CARD14: variants seen among roughly 807,000 people sequenced by gnomAD.
The protein encoded by CARD14 is caspase recruitment domain-containing protein 14.
CARD14 carries 107 observed loss-of-function variants against 111.5 expected under a neutral mutation model. That is an observed-to-expected ratio of 0.96 (90% CI 0.82 to 1.13). The LOEUF (loss-of-function observed/expected upper bound fraction) is 1.13, where lower values mean the gene tolerates loss of function less well. CARD14 is among the 50% of genes most tolerant of loss of function. The pLI is 0.00. For missense variants in CARD14, 1,322 were observed against 1,362.3 expected, an observed-to-expected ratio of 0.97 and a Z score of 0.47; for synonymous variants, 617 against 579.6, an observed-to-expected ratio of 1.06 and a Z score of -0.93.
rs1482414658 is a variant in CARD14 at position 80,195,267 on chromosome 17, C to A, written c.1433C>A (p.Pro478His). 1 of 1,612,760 alleles carries A rather than the reference C, an allele frequency of 6.2e-7. No individual in the cohort carries two copies. The highest frequency in any genetic ancestry group is 8.5e-7 in the Non-Finnish European group (1 of 1,179,934). ...VDSFRSSSPAPPSQQSLYKRV... is the reference protein window; with the variant it reads ...VDSFRSSSPAHPSQQSLYKRV... Reference sequence around the variant, plus strand: ...AGCTTCCGCTCCAGCAGCCCCGCGCCCCCCAGCCAGCAGTCCCTGTACAAG... The same window carrying A: ...AGCTTCCGCTCCAGCAGCCCCGCGCACCCCAGCCAGCAGTCCCTGTACAAG... The change falls in exon 13 of 24, where the codon CCC becomes CAC. Residue 478 changes from proline to histidine, a missense_variant. Transcript: ENST00000648509. This position sits in a 1 kb window ranked among gnomAD's most constrained non-coding sequence, Gnocchi z 4.7.
intron 2 of CARD14, among the ~76,000 whole-genome samples, chr17:80,175,705 C>T (rs969866920): frequency 1.3e-5 from 2 of 152,148 alleles, no homozygotes; most frequent in Non-Finnish European, 2.9e-5. Context: ...AGGAACCCCG[C>T]TTGTGGTGGG....
rs755010538 is a variant in CARD14, at chr17:80,201,814, G to A, written c.1922G>A (p.Gly641Glu). ...GACACGACCCTGGAGGAGGCCGTGG[G>A]GCTTCTCAGGAGGGTGGACGGCTTC... The part of the protein sequence containing the change: ...LEDTTLEEAV[G>E]LLRRVDGFCC... The change falls in exon 17 of 24, where the codon GGG (glycine) becomes GAG (glutamate). Residue 641 changes from glycine (G) to glutamate (E), a missense_variant. Physicochemically the swap from Gly to Glu is moderately conservative, Grantham distance 98. Coordinates refer to ENST00000648509, the MANE Select transcript of CARD14 (RefSeq NM_001366385.1). The surrounding 1 kb of genome is among the most constrained non-coding windows in gnomAD (Gnocchi z 5.0). The A allele has an allele frequency of 1.4e-5, 22 of 1,613,928 alleles. No individual in the cohort carries two copies. Among genetic ancestry groups the A allele is most frequent in the Non-Finnish European group, 1.8e-5 (21 of 1,179,938 alleles).
chr17:80,199,389 G>A (rs2040850089), intron 16 of CARD14, among the ~76,000 whole-genome samples: 1 of 151,426 alleles, frequency 6.6e-6, no homozygotes, highest in South Asian at 2.1e-4. Flanking sequence ...TGACTTTGAT[G>A]TGGCCTAAAA....
intron 12 of CARD14, among the ~76,000 whole-genome samples, chr17:80,193,817 C>G (rs1267119592): frequency 6.6e-6 from 1 of 152,108 alleles, no homozygotes; most frequent in Non-Finnish European, 1.5e-5. Context: ...CAGGACAGTC[C>G]AAACCTTCAA....
At position 80,195,421 on chromosome 17, in the gene CARD14, C is replaced by T. The variant is rs1044869470; in HGVS notation, c.1499+88C>T. On this transcript the variant is annotated intron_variant, in intron 13 of 23. Coordinates refer to ENST00000648509, the MANE Select transcript of CARD14 (RefSeq NM_001366385.1). This position sits in a 1 kb window ranked among gnomAD's most constrained non-coding sequence, Gnocchi z 4.7. ...AGAGACACCAACCTAGACCTCAGGG[C>T]ATCTGGGTATTGCAGGCAGCAGCTC... is the stretch of plus-strand genomic sequence containing the variant. The T allele has an allele frequency of 7.9e-6, 12 of 1,525,008 alleles. No homozygotes were observed. The Admixed American group carries it at 2.4e-4, about 30-fold the overall frequency. The allele number at this position is 1,525,008 out of a possible 1,614,324, so 94.5% of individuals were successfully genotyped here.
At chr17:80,202,532 G>C (rs2041041095) in intron 18 of CARD14, 112 bp downstream of exon 18, 2 of 1,498,072 alleles carry the variant, frequency 1.3e-6, no homozygotes, top group South Asian at 1.3e-5. Flanking sequence ...GGCGTGGTGA[G>C]ACCCCCCTAA....
chr17:80,205,694 AG>A, intron 22 of CARD14, 42 bp downstream of exon 22: 1 of 1,501,544 alleles, frequency 6.7e-7, no homozygotes, highest in Non-Finnish European at 8.9e-7. Context: ...TGTCCTGGGA[AG>A]GGTTTCAGGA....
chr17:80,201,357 G>C lies in CARD14; in HGVS notation c.1852-387G>C. ...GCCACTCAGCATCCTGTAGGGCCCG[G>C]TATAGCCCGCAGCAGCACAGAATGA... is the stretch of plus-strand genomic sequence containing the variant. On this transcript the variant is annotated intron_variant, in intron 16 of 23. Transcript: ENST00000648509. This position sits in a 1 kb window ranked among gnomAD's most constrained non-coding sequence, Gnocchi z 5.0. 1 of 205,562 alleles carries C rather than the reference G, an allele frequency of 4.9e-6. No individual in the cohort carries two copies. The highest frequency in any genetic ancestry group is 1.0e-5 in the Non-Finnish European group (1 of 99,888). 12.7% of individuals were successfully genotyped at this position (205,562 alleles called of 1,614,324 possible). A position where few individuals can be genotyped will look rare whatever the true frequency, so the allele number is the denominator to read the frequency against.
At chr17:80,191,611 C>G (rs968960783) in intron 11 of CARD14, 139 bp downstream of exon 11, 22 of 1,025,738 alleles carry the variant, frequency 2.1e-5, no homozygotes, top group Non-Finnish European at 3.1e-5. Context: ...GCGGCACCTG[C>G]AGAGACGGCC....
At chr17:80,183,332 G>A (rs779766865) in intron 6 of CARD14, among the ~76,000 whole-genome samples, 2 of 152,230 alleles carry the variant, frequency 1.3e-5, no homozygotes, top group African/African-American at 4.8e-5. Context: ...GGACTCACAC[G>A]ACCCAAAACA....
intron 5 of CARD14, among the ~76,000 whole-genome samples, chr17:80,181,899 C>A (rs796162096): frequency 1.8e-4 from 27 of 152,324 alleles, no homozygotes; most frequent in African/African-American, 6.5e-4. Context: ...TGAAGGGGAA[C>A]CACCATTCAC....
In CARD14 at chr17:80,195,822, C is replaced by G; in HGVS notation, c.1594+170C>G. On this transcript the variant is annotated intron_variant, in intron 14 of 23. Transcript: ENST00000648509. This position sits in a 1 kb window ranked among gnomAD's most constrained non-coding sequence, Gnocchi z 4.7. Reference sequence around the variant, plus strand: ...TCGACCTTGCACTTTGGGAAAGTCCCGCCTGCCAGCCAGCGTAAGCCAAAG... The same window carrying G: ...TCGACCTTGCACTTTGGGAAAGTCCGGCCTGCCAGCCAGCGTAAGCCAAAG... The G allele has an allele frequency of 1.6e-6, 1 of 609,366 alleles. No individual in the cohort carries two copies. The highest frequency in any genetic ancestry group is 2.9e-6 in the Non-Finnish European group (1 of 348,374). The allele number at this position is 609,366 out of a possible 1,614,324, so 37.7% of individuals were successfully genotyped here.
chr17:80,205,585 A>G lies in CARD14; in HGVS notation c.2624A>G (p.Gln875Arg). 2 of 1,552,154 alleles carry G rather than the reference A, an allele frequency of 1.3e-6. No individual in the cohort carries two copies. The highest frequency in any genetic ancestry group is 1.7e-6 in the Non-Finnish European group (2 of 1,145,128). Residue 875 changes from glutamine (Q) to arginine (R), a missense_variant, in exon 22 of 24, where the codon CAG (glutamine) becomes CGG (arginine). Physicochemically the swap from Gln to Arg is conservative, Grantham distance 43. Coordinates refer to ENST00000648509, the MANE Select transcript of CARD14 (RefSeq NM_001366385.1). ...EAWSQRGDII[Q>R]EGEVSGGRCW... Reference sequence around the variant, plus strand: ...TGGAGCCAGAGAGGGGACATCATCCAGGAGGGAGAGGTGTCCGGGGGCCGC... The same window carrying G: ...TGGAGCCAGAGAGGGGACATCATCCGGGAGGGAGAGGTGTCCGGGGGCCGC...
rs767152556 is a variant in CARD14 at position 80,201,819 on chromosome 17, C to T, written c.1927C>T (p.Leu643Phe). Reference protein sequence around the residue: ...DTTLEEAVGLLRRVDGFCCLS... With the variant: ...DTTLEEAVGLFRRVDGFCCLS... ...GACCCTGGAGGAGGCCGTGGGGCTT[C>T]TCAGGAGGGTGGACGGCTTCTGCTG... Residue 643 changes from leucine (L) to phenylalanine (F), a missense_variant, in exon 17 of 24, where the codon CTC (leucine) becomes TTC (phenylalanine). Leu to Phe is a conservative substitution (Grantham distance 22, BLOSUM62 0). Transcript: ENST00000648509. The surrounding 1 kb of genome is among the most constrained non-coding windows in gnomAD (Gnocchi z 5.0). 3 of 1,613,936 alleles carry T rather than the reference C, an allele frequency of 1.9e-6. No individual in the cohort carries two copies. Among genetic ancestry groups the T allele is most frequent in the Non-Finnish European group, 2.5e-6 (3 of 1,179,958 alleles).
At chr17:80,205,417 G>A in intron 21 of CARD14, 114 bp from the exon 22 acceptor site, 2 of 1,419,568 alleles carry the variant, frequency 1.4e-6, no homozygotes, top group Non-Finnish European at 1.9e-6. Context: ...GACATCCTAA[G>A]AAGAGCTTCT....
Position 80,182,365 on chromosome 17 carries a change from C to T in CARD14, c.212-288C>T, listed in dbSNP as rs1205014141. On this transcript the variant is annotated intron_variant, in intron 5 of 23. Transcript: ENST00000648509. The surrounding 1 kb of genome is among the most constrained non-coding windows in gnomAD (Gnocchi z 4.7). ...GCAGGGACCCACCTCCTCACCCCGT[C>T]CCGGTCCCCCCGCACTCGCCAGAGC... Among the ~76,000 whole-genome samples, 2 of 152,204 alleles carry T rather than the reference C, an allele frequency of 1.3e-5. No homozygotes were observed. The highest frequency in any genetic ancestry group is 2.1e-4 in the South Asian group (1 of 4,834).
chr17:80,202,434 T>G lies in CARD14; in HGVS notation c.2219+14T>G, dbSNP rs8069255. The G allele has an allele frequency of 0.016, 25,718 of 1,604,998 alleles. 460 individuals are homozygous for G. The highest frequency in any genetic ancestry group is 0.068 in the African/African-American group (5,057 of 74,800). On this transcript the variant is annotated intron_variant, in intron 18 of 23. Coordinates refer to ENST00000648509, the MANE Select transcript of CARD14 (RefSeq NM_001366385.1). ...CAACTACTCCAGGTGAGCAGCTGCC[T>G]CGAGCTCGGTGCGTCCCCAGAGAGG...
chr17:80,182,206 G>A lies in CARD14; in HGVS notation c.212-447G>A, dbSNP rs1031182236. ...CTGGGCCCTGGGCGTGGAAGGCCCC[G>A]AGGCTCTCTGGGACCTGTCACCCGC... On this transcript the variant is annotated intron_variant, in intron 5 of 23. Transcript: ENST00000648509. This position sits in a 1 kb window ranked among gnomAD's most constrained non-coding sequence, Gnocchi z 4.7. Among the ~76,000 whole-genome samples the A allele has an allele frequency of 4.6e-5, 7 of 152,162 alleles. No homozygotes were observed. The highest frequency in any genetic ancestry group is 7.4e-5 in the Non-Finnish European group (5 of 68,016).
chr17:80,181,096 A>C (rs1567868527), intron 4 of CARD14, among the ~76,000 whole-genome samples: 1 of 152,120 alleles, frequency 6.6e-6, no homozygotes, highest in Non-Finnish European at 1.5e-5. Context: ...TTCTAAAAAA[A>C]AAAAAAAGTA....
Sources: gnomAD v4.1 joint callset for allele counts (sites outside exome capture counted in the v4.1 genomes callset) on GRCh38, gnomAD v4.1.1 for gene constraint, Gnocchi (gnomAD v3.1) non-coding constraint, MANE v1.5 for transcripts, NCBI Gene and HGNC (gene_info 2026-07-23, HGNC 2026-07-21) for gene names.